Variants in FOXP1 observed in about 807,000 individuals in gnomAD.
FOXP1 encodes the protein forkhead box P1.
FOXP1 carries 15 observed loss-of-function variants against 98.2 expected under a neutral mutation model. The ratio of observed to expected loss-of-function variants is 0.15; its 90% CI spans 0.10 to 0.24. The LOEUF (loss-of-function observed/expected upper bound fraction) is 0.24, where lower values mean the gene tolerates loss of function less well. Ranked by LOEUF, FOXP1 falls within the 10% of genes least tolerant of loss-of-function variation. FOXP1 has a pLI of 1.00. For synonymous variants in FOXP1, 371 were observed against 314.5 expected (o/e 1.18, Z -1.90); for missense variants, 633 against 848.5 (o/e 0.75, Z 3.15).
intron 12 of FOXP1, among the ~76,000 whole-genome samples, chr3:71,013,398 A>T (rs1417518967): frequency 6.6e-6 from 1 of 152,202 alleles, no homozygotes; most frequent in Non-Finnish European, 1.5e-5. Context: ...GTGCATATGC[A>T]ATTGCTTCAA....
chr3:71,025,066 C>A (rs142249130), intron 11 of FOXP1, among the ~76,000 whole-genome samples: 23 of 152,198 alleles, frequency 1.5e-4, no homozygotes, highest in African/African-American at 5.5e-4. Context: ...AACATGATTT[C>A]TCAGTAGTTA....
chr3:70,976,919 A>G (rs373832961), intron 17 of FOXP1, 22 bp downstream of exon 17: 1 of 1,560,596 alleles, frequency 6.4e-7, no homozygotes, highest in Non-Finnish European at 8.8e-7. Flanking sequence ...ATCCAAGAAT[A>G]AACAGGCCTG....
intron 6 of FOXP1, among the ~76,000 whole-genome samples, chr3:71,144,478 C>T (rs1441080409): frequency 6.6e-6 from 1 of 152,146 alleles, no homozygotes; most frequent in African/African-American, 2.4e-5. Flanking sequence ...CACACCTGAG[C>T]TGTAAAGAAA....
In FOXP1 at chr3:71,053,674, C is replaced by A; in HGVS notation, c.382G>T (p.Val128Phe). Residue 128 changes from valine to phenylalanine, a missense_variant, in exon 8 of 21, where the codon GTT becomes TTT. By Grantham distance (50) the Val-to-Phe change is conservative (BLOSUM62 -1). This residue lies in a region of FOXP1 where 210 missense variants were observed against 270.6 expected (regional missense o/e 0.78). Coordinates refer to ENST00000649528, the MANE Select transcript of FOXP1 (RefSeq NM_001349338.3). The stretch of plus-strand genomic sequence containing the variant: ...AGGGCCTGCTGCTGCTGGAGGAGAA[C>A]CTGGAGCTGCTGAGGGCTCAGCACT... The part of the protein sequence containing the change: ...QQVLSPQQLQ[V>F]LLQQQQALML... The A allele has an allele frequency of 6.2e-7, 1 of 1,614,046 alleles. No individual in the cohort carries two copies. Among genetic ancestry groups the A allele is most frequent in the Non-Finnish European group, 8.5e-7 (1 of 1,179,996 alleles).
At chr3:70,983,031 G>A (rs989246893) in intron 14 of FOXP1, among the ~76,000 whole-genome samples, 4 of 152,226 alleles carry the variant, frequency 2.6e-5, no homozygotes, top group Non-Finnish European at 5.9e-5. Flanking sequence ...GCATGGCAGT[G>A]TCATTTCTGG....
intron 2 of FOXP1, among the ~76,000 whole-genome samples, chr3:71,495,095 A>C (rs1259616476): frequency 6.6e-6 from 1 of 152,154 alleles, no homozygotes; most frequent in Non-Finnish European, 1.5e-5. Context: ...CCCAAACTAT[A>C]ATCAATGTAG....
chr3:70,973,835 G>GCCCCCCCCCCC (rs56950015), intron 17 of FOXP1, among the ~76,000 whole-genome samples: 59 of 36,722 alleles, frequency 1.6e-3, no homozygotes, highest in Middle Eastern at 0.015. Flanking sequence ...TTTGCACACC[G>GCCCCCCCCCCC]CCCCCCCCCC....
intron 4 of FOXP1, among the ~76,000 whole-genome samples, chr3:71,353,308 C>G (rs552439162): frequency 9.2e-5 from 14 of 152,304 alleles, no homozygotes; most frequent in African/African-American, 3.1e-4. Context: ...AAGCATCCCG[C>G]GTAAACTGCC....
chr3:71,110,484 G>GT (rs1262602903), intron 7 of FOXP1, among the ~76,000 whole-genome samples: 2 of 152,166 alleles, frequency 1.3e-5, no homozygotes, highest in African/African-American at 4.8e-5. Context: ...TTTTAAGGCT[G>GT]TAAGAGCTCC....
At chr3:71,581,801 CAG>C (rs1226042183) in intron 1 of FOXP1, 104 bp from the exon 2 acceptor site, 7 of 985,982 alleles carry the variant, frequency 7.1e-6, no homozygotes, top group African/African-American at 1.7e-5. Context: ...GGGGCCAGGA[CAG>C]AGAGGGCAGC....
At chr3:71,092,998 C>T (rs919400906) in intron 7 of FOXP1, among the ~76,000 whole-genome samples, 2 of 152,180 alleles carry the variant, frequency 1.3e-5, no homozygotes, top group Non-Finnish European at 1.5e-5. Flanking sequence ...TGGTGGCTCA[C>T]GCCTATAATC....
intron 2 of FOXP1, among the ~76,000 whole-genome samples, chr3:71,495,478 T>C (rs544883425): frequency 6.6e-6 from 1 of 152,308 alleles, no homozygotes. Flanking sequence ...TCAATATGTA[T>C]CTTTTGAGTG....
chr3:71,475,265 A>G (rs939072832), intron 3 of FOXP1, among the ~76,000 whole-genome samples: 4 of 152,192 alleles, frequency 2.6e-5, no homozygotes, highest in African/African-American at 9.7e-5. Flanking sequence ...TTTATTAAGC[A>G]GGCTAAGATG....
chr3:71,515,038 T>G (rs567725375), intron 2 of FOXP1, among the ~76,000 whole-genome samples: 1 of 152,312 alleles, frequency 6.6e-6, no homozygotes, highest in Admixed American at 6.5e-5. Context: ...AAATTTTAAT[T>G]AAACAGCATA....
At chr3:71,435,137 GA>G (rs1400854748) in intron 3 of FOXP1, among the ~76,000 whole-genome samples, 1 of 144,860 alleles carries the variant, frequency 6.9e-6, no homozygotes, top group Non-Finnish European at 1.5e-5. Context: ...GGTGGACGTT[GA>G]GGATGAGGAG....
chr3:71,000,926 AT>A, intron 13 of FOXP1, 45 bp downstream of exon 13: 1 of 1,276,922 alleles, frequency 7.8e-7, no homozygotes, highest in Non-Finnish European at 1.1e-6. Flanking sequence ...GAAATCTGGA[AT>A]TTGAGGCATA....
intron 3 of FOXP1, among the ~76,000 whole-genome samples, chr3:71,460,411 T>C (rs1030512471): frequency 6.6e-6 from 1 of 151,684 alleles, no homozygotes; most frequent in Non-Finnish European, 1.5e-5. Flanking sequence ...CGCTAATTTT[T>C]GATTTTTTGG....
chr3:71,356,028 A>G (rs2078130626), intron 4 of FOXP1, among the ~76,000 whole-genome samples: 1 of 152,010 alleles, frequency 6.6e-6, no homozygotes, highest in Non-Finnish European at 1.5e-5. Context: ...TCTGTGGGGG[A>G]CTAGGACCTG....
chr3:71,069,771 C>T (rs1000588030), intron 7 of FOXP1, among the ~76,000 whole-genome samples: 1 of 152,144 alleles, frequency 6.6e-6, no homozygotes, highest in Non-Finnish European at 1.5e-5. Context: ...AAAGAAAAGA[C>T]GGCTCTTGGG....
Sources: gnomAD v4.1 joint callset for allele counts (sites outside exome capture counted in the v4.1 genomes callset) on GRCh38, gnomAD v4.1.1 for gene constraint, gnomAD v4.1.1 regional missense constraint, MANE v1.5 for transcripts, NCBI Gene and HGNC (gene_info 2026-07-23, HGNC 2026-07-21) for gene names.